The following ATP10B variants were observed in gnomAD, a reference collection of about 807,000 sequenced individuals.
ATP10B encodes the protein ATPase phospholipid transporting 10B (putative).
A neutral mutation model predicts 141.2 loss-of-function variants in ATP10B; 122 were observed. The ratio of observed to expected loss-of-function variants is 0.86; its 90% CI spans 0.75 to 1.00. The LOEUF (loss-of-function observed/expected upper bound fraction) is 1.00. Ranked by LOEUF, ATP10B falls within the 50% of genes least tolerant of loss-of-function variation. The pLI is 0.00. For synonymous variants in ATP10B, 685 were observed against 692.0 expected (o/e 0.99, Z 0.16); for missense variants, 1,876 against 1,825.3 (o/e 1.03, Z -0.51).
intron 1 of ATP10B, among the ~76,000 whole-genome samples, chr5:160,838,309 T>A (rs766564023): frequency 4.6e-5 from 7 of 152,084 alleles, no homozygotes; most frequent in Non-Finnish European, 8.8e-5. Context: ...ACCTACACCA[T>A]CAGAAAAACA....
intron 22 of ATP10B, among the ~76,000 whole-genome samples, chr5:160,595,494 G>A: frequency 6.6e-6 from 1 of 152,012 alleles, no homozygotes; most frequent in Non-Finnish European, 1.5e-5. Flanking sequence ...AGAGAAGCAA[G>A]AGCAAACACA....
chr5:160,591,349 T>G (rs981885684), intron 22 of ATP10B, among the ~76,000 whole-genome samples: 2 of 152,172 alleles, frequency 1.3e-5, no homozygotes, highest in Non-Finnish European at 2.9e-5. Flanking sequence ...TACTAAACTG[T>G]GCGGAGAACT....
intron 3 of ATP10B, among the ~76,000 whole-genome samples, chr5:160,699,638 G>T (rs1222883392): frequency 5.9e-5 from 9 of 152,164 alleles, no homozygotes; most frequent in Admixed American, 2.0e-4. Context: ...GTGAAATGGA[G>T]TGAGAAAAAC....
chr5:160,842,429 T>A (rs552261120), intron 1 of ATP10B, among the ~76,000 whole-genome samples: 311 of 151,640 alleles, frequency 2.1e-3, no homozygotes, highest in African/African-American at 7.4e-3. Flanking sequence ...GATAAAAAAA[T>A]AAAGAGCGAA....
chr5:160,879,755 G>A, the ATP10B span, among the ~76,000 whole-genome samples: 604 of 152,020 alleles, frequency 4.0e-3, 4 homozygotes, highest in African/African-American at 0.014. Flanking sequence ...GGGGAATGGC[G>A]TGAACCCAGG....
chr5:160,849,616 A>G lies in ATP10B; in HGVS notation c.-576+2325T>C, dbSNP rs570493031. Among the ~76,000 whole-genome samples, 5 of 38,658 alleles carry G rather than the reference A, an allele frequency of 1.3e-4. No homozygotes were observed. In the South Asian group the frequency reaches 3.5e-3, roughly 27 times the overall value. 25.4% of individuals were successfully genotyped at this position (38,658 alleles called of 152,430 possible). A position where few individuals can be genotyped will look rare whatever the true frequency, so the allele number is the denominator to read the frequency against. On this transcript the variant is annotated intron_variant, in intron 1 of 25. Coordinates refer to ENST00000327245, the MANE Select transcript of ATP10B (RefSeq NM_025153.3). ...GGCCAATTATTGAATTGTACTGGCAATTACACACACACACACACACACACA... is the reference window on the plus strand; with the variant it reads ...GGCCAATTATTGAATTGTACTGGCAGTTACACACACACACACACACACACA...
intron 1 of ATP10B, among the ~76,000 whole-genome samples, chr5:160,824,774 C>G (rs1262378048): frequency 1.3e-5 from 2 of 152,118 alleles, no homozygotes; most frequent in African/African-American, 4.8e-5. Flanking sequence ...TGCAATCTTT[C>G]ATTGACTGAA....
intron 3 of ATP10B, among the ~76,000 whole-genome samples, chr5:160,705,858 A>G (rs1250494573): frequency 6.6e-6 from 1 of 152,212 alleles, no homozygotes. Flanking sequence ...GGCTTTCAAC[A>G]TGCATTCCTC....
the ATP10B span, among the ~76,000 whole-genome samples, chr5:160,889,291 T>C: frequency 6.6e-6 from 1 of 152,186 alleles, no homozygotes; most frequent in Non-Finnish European, 1.5e-5. Flanking sequence ...GCAGTCTGAA[T>C]CGGGTGGCTA....
Position 160,649,223 on chromosome 5 carries a change from T to C in ATP10B, c.709A>G (p.Thr237Ala). The C allele has an allele frequency of 6.2e-7, 1 of 1,614,008 alleles. No homozygotes were observed. Among genetic ancestry groups the C allele is most frequent in the Non-Finnish European group, 8.5e-7 (1 of 1,179,912 alleles). Residue 237 changes from threonine to alanine, a missense_variant, in exon 8 of 26, where the codon ACC (threonine) becomes GCC (alanine). Transcript: ENST00000327245. ...VQFEPELFHN[T>A]IVCEKPNNHL... ...TTGTTGGGTTTCTCACACACGATGG[T>C]ATTGTGGAAAAGCTCTGGTTCGAAC...
chr5:160,577,704 C>T (rs953583782), intron 24 of ATP10B, among the ~76,000 whole-genome samples: 1 of 152,086 alleles, frequency 6.6e-6, no homozygotes, highest in African/African-American at 2.4e-5. Flanking sequence ...TTTAGAAGTA[C>T]ATTTTGAAAT....
chr5:160,650,960 C>A (rs1760689102), intron 7 of ATP10B, among the ~76,000 whole-genome samples: 1 of 152,102 alleles, frequency 6.6e-6, no homozygotes, highest in Non-Finnish European at 1.5e-5. Context: ...AATCGTTTCA[C>A]CATTTAATAG....
intron 2 of ATP10B, among the ~76,000 whole-genome samples, chr5:160,774,480 G>A (rs1770136770): frequency 6.6e-6 from 1 of 152,200 alleles, no homozygotes; most frequent in Non-Finnish European, 1.5e-5. Flanking sequence ...CTCTGTTGGT[G>A]ACTTGAGGCT....
intron 1 of ATP10B, among the ~76,000 whole-genome samples, chr5:160,817,247 G>T (rs563889102): frequency 6.6e-6 from 1 of 152,288 alleles, no homozygotes; most frequent in Non-Finnish European, 1.5e-5. Context: ...TGTATATCTA[G>T]AAAACTCCAT....
the ATP10B span, among the ~76,000 whole-genome samples, chr5:160,879,916 AACAT>A: frequency 6.6e-6 from 1 of 152,128 alleles, no homozygotes; most frequent in Admixed American, 6.6e-5. Flanking sequence ...ATACGAAGTT[AACAT>A]ACAAATGCCA....
the ATP10B span, among the ~76,000 whole-genome samples, chr5:160,900,918 T>G: frequency 1.3e-5 from 2 of 149,556 alleles, no homozygotes; most frequent in East Asian, 3.9e-4. Flanking sequence ...GTTTTTTTTT[T>G]TTTTTTTTTT....
chr5:160,644,045 G>A (rs1310011669), intron 9 of ATP10B, 93 bp downstream of exon 9: 1 of 1,025,924 alleles, frequency 9.7e-7, no homozygotes, highest in Non-Finnish European at 1.5e-6. Flanking sequence ...GGAAGTTACT[G>A]TGAACAGTTG....
chr5:160,701,408 G>A (rs1020120453), intron 3 of ATP10B, among the ~76,000 whole-genome samples: 1 of 152,108 alleles, frequency 6.6e-6, no homozygotes, highest in Non-Finnish European at 1.5e-5. Flanking sequence ...CCAGCATGCT[G>A]TAACCCACTT....
At chr5:160,850,221 C>A (rs1159493532) in intron 1 of ATP10B, among the ~76,000 whole-genome samples, 1 of 152,064 alleles carries the variant, frequency 6.6e-6, no homozygotes, top group African/African-American at 2.4e-5. Context: ...GCCTGGCCAA[C>A]ATGGTGAAAC....
Sources: gnomAD v4.1 joint callset for allele counts (sites outside exome capture counted in the v4.1 genomes callset) on GRCh38, gnomAD v4.1.1 for gene constraint, MANE v1.5 for transcripts, NCBI Gene and HGNC (gene_info 2026-07-23, HGNC 2026-07-21) for gene names.